The following TENM3 variants were observed in gnomAD, a reference collection of about 807,000 sequenced individuals.
TENM3 encodes the protein teneurin transmembrane protein 3, also known as teneurin-3.
A neutral mutation model predicts 255.1 loss-of-function variants in TENM3; 63 were observed. That is an observed-to-expected ratio of 0.25 (90% CI 0.20 to 0.30). The LOEUF is 0.30. TENM3 is among the 10% of genes least tolerant of loss of function. The pLI is 1.00. For missense variants in TENM3, 2,929 were observed against 3,461.1 expected (o/e 0.85, Z 3.86); for synonymous variants, 1,306 against 1,322.3 (o/e 0.99, Z 0.27).
chr4:182,496,721 A>T (rs146890002), intron 3 of TENM3, among the ~76,000 whole-genome samples: 1,585 of 152,318 alleles, frequency 0.01, 28 homozygotes, highest in African/African-American at 0.036. Context: ...TTATTTCCAT[A>T]GAACAGCTCC....
At chr4:182,229,352 C>T (rs748200322) in intron 1 of TENM3, among the ~76,000 whole-genome samples, 2 of 152,038 alleles carry the variant, frequency 1.3e-5, no homozygotes, top group African/African-American at 2.4e-5. Context: ...ATAAAAACCC[C>T]GTAATAATTG....
chr4:181,737,629 A>T, the TENM3 span, among the ~76,000 whole-genome samples: 1 of 152,124 alleles, frequency 6.6e-6, no homozygotes, highest in Non-Finnish European at 1.5e-5. Flanking sequence ...TAATTTTAAC[A>T]TGTTCTGTCC....
the TENM3 span, among the ~76,000 whole-genome samples, chr4:181,891,225 T>A: frequency 4.3e-4 from 65 of 152,290 alleles, no homozygotes; most frequent in African/African-American, 1.5e-3. Flanking sequence ...TAAATTCCAA[T>A]AAGAAACAAA....
In TENM3 at chr4:182,754,281, A is replaced by G; in HGVS notation, c.4018-104A>G. 1 of 1,215,720 alleles carries G rather than the reference A, an allele frequency of 8.2e-7. No homozygotes were observed. Among genetic ancestry groups the G allele is most frequent in the Non-Finnish European group, 1.1e-6 (1 of 890,546 alleles). The allele number at this position is 1,215,720 out of a possible 1,614,324, so 75.3% of individuals were successfully genotyped here. ...TGAAAAAACTATTATCAGACAGTTT[A>G]TCTCAGATTAATGCCAATTTCCCTG... On this transcript the variant is annotated intron_variant, in intron 21 of 27. Coordinates refer to ENST00000511685, the MANE Select transcript of TENM3 (RefSeq NM_001080477.4). This position sits in a 1 kb window ranked among gnomAD's most constrained non-coding sequence, Gnocchi z 5.1.
At chr4:182,054,243 G>C in the TENM3 span, among the ~76,000 whole-genome samples, 3 of 151,930 alleles carry the variant, frequency 2.0e-5, no homozygotes, top group Admixed American at 1.3e-4. Context: ...GCCCATCTCC[G>C]TATAACCCAG....
rs115635256 is a variant in TENM3 at position 182,414,880 on chromosome 4, C to G, written c.511+67951C>G. Among the ~76,000 whole-genome samples, 1,129 of 152,208 alleles carry G rather than the reference C, an allele frequency of 7.4e-3. 13 individuals are homozygous for G. Among genetic ancestry groups the G allele is most frequent in the African/African-American group, 0.026 (1,070 of 41,528 alleles). On this transcript the variant is annotated intron_variant, in intron 3 of 27. Coordinates refer to ENST00000511685, the MANE Select transcript of TENM3 (RefSeq NM_001080477.4). ...CAAATTCACATAGAGAAAAAAGGTA[C>G]AAAGTAGATATCAGCTTTACATTTA... is the stretch of plus-strand genomic sequence containing the variant.
the TENM3 span, among the ~76,000 whole-genome samples, chr4:181,788,066 T>G: frequency 6.6e-6 from 1 of 152,150 alleles, no homozygotes; most frequent in Non-Finnish European, 1.5e-5. Flanking sequence ...GGTTTGTGTT[T>G]TTTCTGGGCC....
intron 3 of TENM3, among the ~76,000 whole-genome samples, chr4:182,526,182 G>C (rs983338836): frequency 2.0e-5 from 3 of 151,808 alleles, no homozygotes; most frequent in African/African-American, 7.3e-5. Context: ...GGGTTTCACA[G>C]TGTTAGCCAG....
Position 182,593,900 on chromosome 4 carries a change from TG to T in TENM3, c.512-7023del, listed in dbSNP as rs533270349. Among the ~76,000 whole-genome samples, 6 of 152,158 alleles carry T rather than the reference TG, an allele frequency of 3.9e-5. No individual in the cohort carries two copies. The South Asian group carries it at 1.2e-3, about 32-fold the overall frequency. Reference sequence around the variant, plus strand: ...CTCCCTGAAGACCACAGCCCAAGGCTGTAAACCAGGGAGGAGCTGGAGCTGA... The same window carrying T: ...CTCCCTGAAGACCACAGCCCAAGGCTTAAACCAGGGAGGAGCTGGAGCTGA... On this transcript the variant is annotated intron_variant, in intron 3 of 27. Coordinates refer to ENST00000511685, the MANE Select transcript of TENM3 (RefSeq NM_001080477.4).
At chr4:181,484,087 G>C in the TENM3 span, among the ~76,000 whole-genome samples, 5 of 151,944 alleles carry the variant, frequency 3.3e-5, no homozygotes, top group African/African-American at 1.2e-4. Context: ...AACGCGGTTT[G>C]GTTTGTATTT....
At chr4:182,392,568 A>C (rs1446537946) in intron 3 of TENM3, among the ~76,000 whole-genome samples, 1 of 152,162 alleles carries the variant, frequency 6.6e-6, no homozygotes, top group Non-Finnish European at 1.5e-5. Context: ...CAGACTGGGG[A>C]GGAGAGATGA....
the TENM3 span, among the ~76,000 whole-genome samples, chr4:181,614,712 C>T: frequency 6.6e-6 from 1 of 152,236 alleles, no homozygotes. Flanking sequence ...ACCTCCCAGA[C>T]TTCTATGGGC....
intron 3 of TENM3, among the ~76,000 whole-genome samples, chr4:182,538,446 A>T (rs533131453): frequency 6.8e-4 from 103 of 152,312 alleles, no homozygotes; most frequent in Middle Eastern, 3.4e-3. Flanking sequence ...AGAAGAAAAT[A>T]CAGGTAAAGG....
At chr4:182,602,799 A>G (rs1748030560) in intron 4 of TENM3, among the ~76,000 whole-genome samples, 1 of 152,208 alleles carries the variant, frequency 6.6e-6, no homozygotes, top group South Asian at 2.1e-4. Flanking sequence ...CAGCTAATCA[A>G]CACCGATTCA....
the TENM3 span, among the ~76,000 whole-genome samples, chr4:181,791,692 T>C: frequency 6.6e-6 from 1 of 152,200 alleles, no homozygotes; most frequent in East Asian, 1.9e-4. Context: ...AATGTGAACG[T>C]GATTTTACTA....
In TENM3 at chr4:182,281,138, AT is replaced by A. The variant is rs139888272; in HGVS notation, c.-76+37669del. Among the ~76,000 whole-genome samples the A allele has an allele frequency of 5.6e-3, 859 of 152,154 alleles. 8 individuals are homozygous for A. The highest frequency in any genetic ancestry group is 0.019 in the African/African-American group (796 of 41,514). On this transcript the variant is annotated intron_variant, in intron 1 of 27. Transcript: ENST00000511685. ...CACATCTTTAAGTTGTAAAGCTATC[AT>A]TTTTTTCTTTAATAGGGATTATCCA... is the stretch of plus-strand genomic sequence containing the variant.
rs1465974836 is a variant in TENM3 at position 182,182,313 on chromosome 4, T to C, written c.-76+37559T>C. ...GAACTACCGCCTATTAAAATGTTAA[T>C]ATCTACTGGTCAGTTATTTCTAAGC... On this transcript the variant is annotated intron_variant, in intron 1 of 2. Coordinates refer to the TENM3 transcript ENST00000512480. Among the ~76,000 whole-genome samples, 5 of 152,300 alleles carry C rather than the reference T, an allele frequency of 3.3e-5. No individual in the cohort carries two copies. In the East Asian group the frequency reaches 9.6e-4, roughly 29 times the overall value.
At chr4:181,577,209 ATTT>A in the TENM3 span, among the ~76,000 whole-genome samples, 111 of 129,318 alleles carry the variant, frequency 8.6e-4, no homozygotes, top group African/African-American at 3.3e-3. Flanking sequence ...ATATATATAT[ATTT>A]TTTTTTTAAG....
the TENM3 span, among the ~76,000 whole-genome samples, chr4:181,605,577 A>AAAGG: frequency 3.4e-5 from 1 of 29,282 alleles, no homozygotes; most frequent in East Asian, 1.2e-3. Context: ...AAAGAGAGAG[A>AAAGG]AAGAAAGGAA....
Sources: allele counts gnomAD v4.1 joint callset (sites outside exome capture counted in the v4.1 genomes callset), GRCh38; gene constraint gnomAD v4.1.1; non-coding constraint Gnocchi (gnomAD v3.1); transcripts MANE v1.5; gene names NCBI Gene and HGNC (gene_info 2026-07-23, HGNC 2026-07-21).